Variants in LRP1B observed in about 807,000 individuals in gnomAD.
LRP1B encodes low-density lipoprotein receptor-related protein 1B.
LRP1B carries 217 observed loss-of-function variants against 556.6 expected under a neutral mutation model. The observed-to-expected ratio is 0.39, with a 90% confidence interval of 0.35 to 0.44. LRP1B has a LOEUF of 0.44. Ranked by LOEUF, LRP1B falls within the 20% of genes least tolerant of loss-of-function variation. LRP1B has a pLI of 1.00. For missense variants in LRP1B, 5,053 were observed against 5,620.8 expected (o/e 0.90, Z 3.23); for synonymous variants, 2,047 against 1,865.8 (o/e 1.10, Z -2.50).
At chr2:140,308,944 T>C (rs556920759) in intron 83 of LRP1B, among the ~76,000 whole-genome samples, 1 of 151,886 alleles carries the variant, frequency 6.6e-6, no homozygotes, top group East Asian at 1.9e-4. Flanking sequence ...GTTACAGGAT[T>C]GCAATAGAAA....
chr2:140,673,658 G>T lies in LRP1B; in HGVS notation c.6799+26592C>A, dbSNP rs923902193. 8.5e-4 allele frequency among the ~76,000 whole-genome samples: 130 copies of T among 152,220 alleles called. 2 individuals carry two copies. The highest frequency in any genetic ancestry group is 3.8e-4 in the Non-Finnish European group (26 of 68,008). ...GCCATTTACAGATTTTTAGGTATCT[G>T]TGCAAACAAAAAATAAGATTCTAAG... On this transcript the variant is annotated intron_variant, in intron 41 of 90. Coordinates refer to ENST00000389484, the MANE Select transcript of LRP1B (RefSeq NM_018557.3).
rs896780768 is a variant in LRP1B, at chr2:141,064,643, T to C, written c.1014-2370A>G. ...CTAAGGAATAATAGCAATATGACCA[T>C]AAAGTTGCAGCTATTGAGTGCCTAT... is the stretch of plus-strand genomic sequence containing the variant. On this transcript the variant is annotated intron_variant, in intron 7 of 90. Coordinates refer to ENST00000389484, the MANE Select transcript of LRP1B (RefSeq NM_018557.3). 6.6e-5 allele frequency among the ~76,000 whole-genome samples: 10 copies of C among 151,920 alleles called. No homozygotes were observed. The South Asian group carries it at 1.4e-3, about 22-fold the overall frequency.
intron 3 of LRP1B, among the ~76,000 whole-genome samples, chr2:141,333,895 A>G (rs1687750020): frequency 6.6e-6 from 1 of 152,156 alleles, no homozygotes; most frequent in South Asian, 2.1e-4. Flanking sequence ...TGAGTGTATC[A>G]GTGTGTGAAT....
At chr2:141,925,276 G>A (rs752036516) in intron 1 of LRP1B, among the ~76,000 whole-genome samples, 1 of 152,164 alleles carries the variant, frequency 6.6e-6, no homozygotes, top group Non-Finnish European at 1.5e-5. Context: ...ATCTAATAAA[G>A]AGTCAGTTGC....
At position 141,893,468 on chromosome 2, in the gene LRP1B, TG is replaced by T; in HGVS notation, c.83-83068del. 2.0e-5 allele frequency among the ~76,000 whole-genome samples: 3 copies of T among 149,998 alleles called. No individual in the cohort carries two copies. The East Asian group carries it at 6.0e-4, about 30-fold the overall frequency. On this transcript the variant is annotated intron_variant, in intron 1 of 90. Coordinates refer to ENST00000389484, the MANE Select transcript of LRP1B (RefSeq NM_018557.3). ...CACCCACCTTGGCCTCCCAAACTGC[TG>T]GGATTACAAGCATGAGCCACCACTG...
chr2:141,413,766 C>T (rs1192862482), intron 3 of LRP1B, among the ~76,000 whole-genome samples: 1 of 151,620 alleles, frequency 6.6e-6, no homozygotes, highest in African/African-American at 2.4e-5. Flanking sequence ...TGCCTGTTGT[C>T]ACAGCTACTT....
chr2:142,089,822 G>T (rs1279681184), intron 1 of LRP1B, among the ~76,000 whole-genome samples: 2 of 152,164 alleles, frequency 1.3e-5, no homozygotes, highest in Admixed American at 1.3e-4. Flanking sequence ...CTAGTTAAGA[G>T]CTCATAACAT....
At chr2:141,332,065 T>C (rs1687675838) in intron 3 of LRP1B, among the ~76,000 whole-genome samples, 1 of 152,178 alleles carries the variant, frequency 6.6e-6, no homozygotes, top group Admixed American at 6.5e-5. Context: ...GCATTTTGCC[T>C]ATATGCTGAT....
chr2:142,105,139 C>T (rs561030417), intron 1 of LRP1B, among the ~76,000 whole-genome samples: 5 of 152,254 alleles, frequency 3.3e-5, no homozygotes, highest in Admixed American at 6.5e-5. Flanking sequence ...CTGAACAAAC[C>T]TGAATGGAGG....
intron 3 of LRP1B, among the ~76,000 whole-genome samples, chr2:141,439,902 C>A (rs1680898720): frequency 1.3e-5 from 2 of 152,096 alleles, no homozygotes; most frequent in Admixed American, 6.5e-5. Flanking sequence ...ACATAGTGTC[C>A]AAAAATCTTT....
At chr2:142,088,113 A>G (rs1009002227) in intron 1 of LRP1B, among the ~76,000 whole-genome samples, 5 of 152,116 alleles carry the variant, frequency 3.3e-5, no homozygotes, top group African/African-American at 1.2e-4. Flanking sequence ...AATATTTTAT[A>G]TCTATATATC....
chr2:141,971,803 T>G (rs1701742429), intron 1 of LRP1B, among the ~76,000 whole-genome samples: 1 of 151,504 alleles, frequency 6.6e-6, no homozygotes, highest in South Asian at 2.1e-4. Context: ...CTTCTAAAAT[T>G]TTTTTATTTA....
At chr2:141,081,217 T>C (rs1699914398) in intron 7 of LRP1B, among the ~76,000 whole-genome samples, 2 of 152,170 alleles carry the variant, frequency 1.3e-5, no homozygotes, top group South Asian at 4.1e-4. Context: ...GTATTAGAAA[T>C]ACACAATTTG....
At chr2:141,445,579 T>C (rs909109700) in intron 3 of LRP1B, among the ~76,000 whole-genome samples, 1 of 152,256 alleles carries the variant, frequency 6.6e-6, no homozygotes, top group African/African-American at 2.4e-5. Context: ...AATTTCCCTC[T>C]AAACACTGTG....
intron 2 of LRP1B, among the ~76,000 whole-genome samples, chr2:141,761,899 G>A (rs1694565564): frequency 6.6e-6 from 1 of 152,128 alleles, no homozygotes; most frequent in Non-Finnish European, 1.5e-5. Context: ...AAATATCCCA[G>A]AGTATCTCAT....
intron 7 of LRP1B, among the ~76,000 whole-genome samples, chr2:141,142,449 T>C (rs1701675711): frequency 6.6e-6 from 1 of 152,246 alleles, no homozygotes; most frequent in African/African-American, 2.4e-5. Flanking sequence ...AACTCATTAA[T>C]TGATATTACC....
intron 2 of LRP1B, among the ~76,000 whole-genome samples, chr2:141,621,870 A>C (rs891290668): frequency 2.0e-5 from 3 of 151,978 alleles, no homozygotes; most frequent in Admixed American, 6.6e-5. Flanking sequence ...ATTCATTACT[A>C]TCTCTCTTTT....
In LRP1B at chr2:141,791,888, A is replaced by G. The variant is rs144241450; in HGVS notation, c.205+18391T>C. 3.1e-3 allele frequency among the ~76,000 whole-genome samples: 466 copies of G among 152,172 alleles called. 2 individuals are homozygous for G. Among genetic ancestry groups the G allele is most frequent in the African/African-American group, 0.011 (450 of 41,552 alleles). ...AGATCATCCAGCTAGTCAGTAGATCATGGCTAAGGTAGCACATTCCTGATT... is the reference window on the plus strand; with the variant it reads ...AGATCATCCAGCTAGTCAGTAGATCGTGGCTAAGGTAGCACATTCCTGATT... On this transcript the variant is annotated intron_variant, in intron 2 of 90. Coordinates refer to ENST00000389484, the MANE Select transcript of LRP1B (RefSeq NM_018557.3).
At chr2:142,118,375 T>C (rs1335578591) in intron 1 of LRP1B, among the ~76,000 whole-genome samples, 1 of 152,164 alleles carries the variant, frequency 6.6e-6, no homozygotes, top group African/African-American at 2.4e-5. Flanking sequence ...ATTTTCACGC[T>C]ATTGCTAGAT....
Sources: allele counts gnomAD v4.1 joint callset (sites outside exome capture counted in the v4.1 genomes callset), GRCh38; gene constraint gnomAD v4.1.1; transcripts MANE v1.5; gene names NCBI Gene and HGNC (gene_info 2026-07-23, HGNC 2026-07-21).